The following DPP6 variants were observed in gnomAD, a reference collection of about 807,000 sequenced individuals.
DPP6 encodes the protein dipeptidyl peptidase like 6.
In DPP6, 69 loss-of-function variants were observed where a neutral mutation model predicts 122.6. That is an observed-to-expected ratio of 0.56 (90% CI 0.46 to 0.69). DPP6 has a LOEUF of 0.69. Ranked by LOEUF, DPP6 falls within the 30% of genes least tolerant of loss-of-function variation. The probability of loss-of-function intolerance (pLI) is 0.00; values close to 1 mark genes in which losing one functional copy is unlikely to be tolerated. For missense variants in DPP6, 928 were observed against 1,116.9 expected (o/e 0.83, Z 2.41); for synonymous variants, 418 against 433.1 (o/e 0.97, Z 0.43).
chr7:154,629,894 T>C (rs1563034375), intron 5 of DPP6, among the ~76,000 whole-genome samples: 1 of 152,248 alleles, frequency 6.6e-6, no homozygotes, highest in Non-Finnish European at 1.5e-5. Context: ...TCTGCCATTC[T>C]TAATGGGATT....
At chr7:154,113,412 T>TATATACAC (rs1472172445) in intron 1 of DPP6, among the ~76,000 whole-genome samples, 4 of 141,884 alleles carry the variant, frequency 2.8e-5, no homozygotes, top group African/African-American at 1.0e-4. Flanking sequence ...TATATATATA[T>TATATACAC]ACACACACAC....
At chr7:154,159,831 A>G (rs1452150194) in intron 1 of DPP6, among the ~76,000 whole-genome samples, 1 of 152,020 alleles carries the variant, frequency 6.6e-6, no homozygotes, top group East Asian at 1.9e-4. Flanking sequence ...TCAGATGGCC[A>G]GTCGCAGTGT....
chr7:154,052,460 T>C lies in DPP6; in HGVS notation c.-361T>C, dbSNP rs1226879606. 7.8e-6 allele frequency: 2 copies of C among 257,790 alleles called. No homozygotes were observed. The highest frequency in any genetic ancestry group is 1.7e-4 in the East Asian group (1 of 6,032). 16.0% of individuals were successfully genotyped at this position (257,790 alleles called of 1,614,324 possible). A position where few individuals can be genotyped will look rare whatever the true frequency, so the allele number is the denominator to read the frequency against. ...GGGCCTAGGCATTTCCCTCGCTTTA[T>C]GTTTTTGGTTTTTTTTCTTCCTTCA... On this transcript the variant is annotated 5_prime_UTR_variant, in exon 1 of 26. The change abolishes an upstream ATG in the 5' untranslated region. Transcript: ENST00000377770. This position sits in a 1 kb window ranked among gnomAD's most constrained non-coding sequence, Gnocchi z 4.8.
intron 1 of DPP6, among the ~76,000 whole-genome samples, chr7:154,031,151 C>T (rs979573629): frequency 6.6e-6 from 1 of 152,076 alleles, no homozygotes; most frequent in African/African-American, 2.4e-5. Flanking sequence ...CACTGAAAGC[C>T]ACCACTAACA....
chr7:154,060,341 C>T (rs867848731), intron 1 of DPP6, among the ~76,000 whole-genome samples: 3 of 114,700 alleles, frequency 2.6e-5, no homozygotes, highest in African/African-American at 6.8e-5. Flanking sequence ...GGGGAGGCAC[C>T]CCCCGCGAGG....
At position 154,760,772 on chromosome 7, in the gene DPP6, G is replaced by A. The variant is rs1291568051; in HGVS notation, c.884-8645G>A. On this transcript the variant is annotated intron_variant, in intron 8 of 25. Coordinates refer to ENST00000377770, the MANE Select transcript of DPP6 (RefSeq NM_130797.4). The surrounding 1 kb of genome is among the most constrained non-coding windows in gnomAD (Gnocchi z 4.5). ...ACAACACAAATGAAGAGGAAAGAGA[G>A]AAGACAAAACAAAAAGAAGGGTAAA... Among the ~76,000 whole-genome samples, 2 of 151,318 alleles carry A rather than the reference G, an allele frequency of 1.3e-5. No homozygotes were observed. Among genetic ancestry groups the A allele is most frequent in the Non-Finnish European group, 2.9e-5 (2 of 67,930 alleles).
At chr7:154,849,229 TG>T (rs1802188352) in intron 16 of DPP6, among the ~76,000 whole-genome samples, 1 of 152,224 alleles carries the variant, frequency 6.6e-6, no homozygotes, top group Admixed American at 6.5e-5. Context: ...GACTGAAATT[TG>T]GATAGAGATT....
intron 5 of DPP6, among the ~76,000 whole-genome samples, chr7:154,604,171 A>G (rs114650191): frequency 0.037 from 4,419 of 120,766 alleles, 927 homozygotes; most frequent in African/African-American, 0.11. Context: ...TTTTTCTCCT[A>G]CAATAATAGT....
intron 1 of DPP6, among the ~76,000 whole-genome samples, chr7:153,936,683 C>A (rs948109965): frequency 6.6e-6 from 1 of 151,734 alleles, no homozygotes; most frequent in African/African-American, 2.4e-5. Flanking sequence ...GGGTGGTGGG[C>A]GCCTGTGGTC....
intron 19 of DPP6, among the ~76,000 whole-genome samples, chr7:154,873,557 G>A (rs2150644272): frequency 6.6e-6 from 1 of 152,306 alleles, no homozygotes; most frequent in East Asian, 1.9e-4. Flanking sequence ...TAACCCTGGT[G>A]TCTTGCCCTG....
At position 154,016,589 on chromosome 7, in the gene DPP6, C is replaced by G. The variant is rs538607540; in HGVS notation, c.51+128855C>G. Among the ~76,000 whole-genome samples, 3 of 152,000 alleles carry G rather than the reference C, an allele frequency of 2.0e-5. No individual in the cohort carries two copies. The South Asian group carries it at 6.2e-4, about 32-fold the overall frequency. ...ACCAGCTTGGGAAACATAGCAAGAC[C>G]CCAAGTCTACAAAGGTTTTTGGAAA... On this transcript the variant is annotated intron_variant, in intron 1 of 25. Transcript: ENST00000404039.
intron 1 of DPP6, among the ~76,000 whole-genome samples, chr7:153,947,716 G>C (rs1802014136): frequency 6.6e-6 from 1 of 152,104 alleles, no homozygotes; most frequent in African/African-American, 2.4e-5. Flanking sequence ...AGCTGAGGGT[G>C]ATCGGTGGGA....
intron 1 of DPP6, among the ~76,000 whole-genome samples, chr7:154,219,906 G>A (rs1800207470): frequency 1.3e-5 from 2 of 152,182 alleles, no homozygotes; most frequent in Admixed American, 1.3e-4. Flanking sequence ...ACTTTATTAA[G>A]CAAAGGCTGC....
chr7:153,876,799 A>G, the DPP6 span, among the ~76,000 whole-genome samples: 1 of 152,100 alleles, frequency 6.6e-6, no homozygotes, highest in Non-Finnish European at 1.5e-5. Context: ...TAGCTCCTAT[A>G]CTACAAACCT....
rs182973268 is a variant in DPP6 at position 154,699,251 on chromosome 7, T to G, written c.763-28516T>G. Among the ~76,000 whole-genome samples, 479 of 152,284 alleles carry G rather than the reference T, an allele frequency of 3.1e-3. 2 individuals carry two copies. The highest frequency in any genetic ancestry group is 0.01 in the Middle Eastern group (3 of 294). On this transcript the variant is annotated intron_variant, in intron 7 of 25. Coordinates refer to ENST00000377770, the MANE Select transcript of DPP6 (RefSeq NM_130797.4). ...GGAGGCCACTCGTATTAGGACTGTA[T>G]ACAAAAAGGCCCAGAAACTTAACAA...
At chr7:154,439,526 GACTA>G (rs1819182351) in intron 1 of DPP6, among the ~76,000 whole-genome samples, 1 of 152,146 alleles carries the variant, frequency 6.6e-6, no homozygotes, top group Non-Finnish European at 1.5e-5. Context: ...CAGAAAGCAA[GACTA>G]ACTTACATTT....
At chr7:153,955,635 TG>T (rs1802423308) in intron 1 of DPP6, among the ~76,000 whole-genome samples, 2 of 152,198 alleles carry the variant, frequency 1.3e-5, no homozygotes, top group South Asian at 4.1e-4. Context: ...GATGAGATTT[TG>T]CCATGTTGGT....
intron 1 of DPP6, among the ~76,000 whole-genome samples, chr7:154,294,789 C>T (rs563239249): frequency 3.9e-5 from 6 of 152,276 alleles, no homozygotes; most frequent in African/African-American, 9.6e-5. Flanking sequence ...GAAGACAGCA[C>T]GGCAGTGGAA....
intron 1 of DPP6, among the ~76,000 whole-genome samples, chr7:154,010,837 G>T (rs1390617478): frequency 6.6e-6 from 1 of 152,254 alleles, no homozygotes; most frequent in East Asian, 1.9e-4. Flanking sequence ...GACTTGTGCC[G>T]AATTCCATTT....
Sources: allele counts gnomAD v4.1 joint callset (sites outside exome capture counted in the v4.1 genomes callset), GRCh38; gene constraint gnomAD v4.1.1; non-coding constraint Gnocchi (gnomAD v3.1); transcripts MANE v1.5; gene names NCBI Gene and HGNC (gene_info 2026-07-23, HGNC 2026-07-21).